Variants in DNAH2 observed in about 807,000 individuals in gnomAD.
The protein encoded by DNAH2 is dynein axonemal heavy chain 2.
DNAH2 carries 323 observed loss-of-function variants against 523.5 expected under a neutral mutation model. The ratio of observed to expected loss-of-function variants is 0.62; its 90% CI spans 0.56 to 0.68. DNAH2 has a LOEUF of 0.68. Ranked by LOEUF, DNAH2 falls within the 30% of genes least tolerant of loss-of-function variation. DNAH2 has a pLI of 0.00. For synonymous variants in DNAH2, 2,093 were observed against 2,177.4 expected (o/e 0.96, Z 1.08); for missense variants, 4,907 against 5,701.5 (o/e 0.86, Z 4.49).
chr17:7,802,027 G>A lies in DNAH2; in HGVS notation c.8972+10G>A. On this transcript the variant is annotated intron_variant, in intron 58 of 85. Transcript: ENST00000572933. ...TGTCTGGATATAAGAAGTATGAAGGGGGGCAGGGGATGTGCAGGGCCAGGG... is the reference window on the plus strand; with the variant it reads ...TGTCTGGATATAAGAAGTATGAAGGAGGGCAGGGGATGTGCAGGGCCAGGG... 5.0e-6 allele frequency: 8 copies of A among 1,613,752 alleles called. No homozygotes were observed. The highest frequency in any genetic ancestry group is 6.8e-6 in the Non-Finnish European group (8 of 1,179,860).
intron 72 of DNAH2, among the ~76,000 whole-genome samples, chr17:7,820,913 C>T (rs2077833312): frequency 6.6e-6 from 1 of 152,104 alleles, no homozygotes; most frequent in African/African-American, 2.4e-5. Context: ...GTGATGGGCT[C>T]CTGTAATCCC....
chr17:7,757,808 C>T (rs949836063), intron 13 of DNAH2, among the ~76,000 whole-genome samples: 2 of 152,176 alleles, frequency 1.3e-5, no homozygotes, highest in Non-Finnish European at 2.9e-5. Flanking sequence ...TGAGGGCCTG[C>T]GTCCTGGTTC....
Position 7,780,333 on chromosome 17 carries a change from T to A in DNAH2, c.5850+49T>A. The A allele has an allele frequency of 6.2e-7, 1 of 1,613,242 alleles. No homozygotes were observed. Among genetic ancestry groups the A allele is most frequent in the Non-Finnish European group, 8.5e-7 (1 of 1,179,652 alleles). Reference sequence around the variant, plus strand: ...CAGTGATTTTAATTTCCTTTCATAATTATTCCCTGGACAGAGGAGCTCCCC... The same window carrying A: ...CAGTGATTTTAATTTCCTTTCATAAATATTCCCTGGACAGAGGAGCTCCCC... On this transcript the variant is annotated intron_variant, in intron 37 of 85. Transcript: ENST00000572933. The surrounding 1 kb of genome is among the most constrained non-coding windows in gnomAD (Gnocchi z 4.4).
At position 7,734,510 on chromosome 17, in the gene DNAH2, C is replaced by G. The variant is rs1390118388; in HGVS notation, c.780C>G (p.Leu260=). 4 of 1,613,796 alleles carry G rather than the reference C, an allele frequency of 2.5e-6. No homozygotes were observed. Among genetic ancestry groups the G allele is most frequent in the Non-Finnish European group, 2.5e-6 (3 of 1,179,996 alleles). The change falls in exon 7 of 86, where the codon CTC becomes CTG. Residue 260 remains leucine, a synonymous_variant. Transcript: ENST00000572933. ...GGACCCGGCAGATAAAGGAGATGCTCAGTGCCCAGGAGACTGTGGAGACAG... is the reference window on the plus strand; with the variant it reads ...GGACCCGGCAGATAAAGGAGATGCTGAGTGCCCAGGAGACTGTGGAGACAG... ...IHWTRQIKEM[L]SAQETVETGE...
rs933875696 is a variant in DNAH2, at chr17:7,823,947, C to T, written c.11443C>T (p.Arg3815Cys). ...TSFIITNLGS[R>C]FIEPPVLNMK... The stretch of plus-strand genomic sequence containing the variant: ...CTTCATCATCACCAACCTTGGCTCC[C>T]GCTTCATCGAGCCGCCTGTGCTGAA... The change falls in exon 75 of 86, where the codon CGC becomes TGC. Residue 3815 changes from arginine to cysteine, a missense_variant. By Grantham distance (180) the Arg-to-Cys change is radical. Coordinates refer to ENST00000572933, the MANE Select transcript of DNAH2 (RefSeq NM_020877.5). The T allele has an allele frequency of 1.2e-5, 19 of 1,613,710 alleles. No individual in the cohort carries two copies. The highest frequency in any genetic ancestry group is 6.6e-5 in the South Asian group (6 of 91,088).
chr17:7,822,223 A>G (rs181854314), intron 73 of DNAH2, among the ~76,000 whole-genome samples: 14 of 152,262 alleles, frequency 9.2e-5, no homozygotes, highest in Non-Finnish European at 2.1e-4. Flanking sequence ...CTCCCACCTC[A>G]GCCTCCCAAA....
At chr17:7,749,996 CA>C (rs1451829048) in intron 12 of DNAH2, among the ~76,000 whole-genome samples, 1 of 151,696 alleles carries the variant, frequency 6.6e-6, no homozygotes, top group Non-Finnish European at 1.5e-5. Context: ...GACTCTGTCT[CA>C]AAAAAAGAAA....
In DNAH2 at chr17:7,802,076, T is replaced by C; in HGVS notation, c.8972+59T>C. 3 of 1,600,328 alleles carry C rather than the reference T, an allele frequency of 1.9e-6. No homozygotes were observed. In the Admixed American group the frequency reaches 5.0e-5, roughly 27 times the overall value. ...GGAGGCTGGTGTCTTCTGAGGGCGATGGGTGAAATGATGCTGATGTGCAAG... is the reference window on the plus strand; with the variant it reads ...GGAGGCTGGTGTCTTCTGAGGGCGACGGGTGAAATGATGCTGATGTGCAAG... On this transcript the variant is annotated intron_variant, in intron 58 of 85. Coordinates refer to ENST00000572933, the MANE Select transcript of DNAH2 (RefSeq NM_020877.5).
At chr17:7,719,991 G>A (rs1169542419) in intron 2 of DNAH2, 91 bp downstream of exon 2, 10 of 1,398,512 alleles carry the variant, frequency 7.2e-6, no homozygotes, top group Admixed American at 3.0e-5. Flanking sequence ...GGGAGCAGGC[G>A]CTGTTGCTTC....
intron 59 of DNAH2, 112 bp from the exon 60 acceptor site, chr17:7,804,846 A>T: frequency 4.7e-6 from 1 of 210,588 alleles, no homozygotes; most frequent in Non-Finnish European, 8.4e-6. Context: ...ACTCCATCTC[A>T]AAAAAAAAAA....
In DNAH2 at chr17:7,776,221, T is replaced by G. The variant is rs373919862; in HGVS notation, c.4947+72T>G. On this transcript the variant is annotated intron_variant, in intron 31 of 85. Transcript: ENST00000572933. Reference sequence around the variant, plus strand: ...TGGCTCACGCCTGTAATCCCAGCACTTTGGGAGGCCGAGGTGGGCAGATCA... The same window carrying G: ...TGGCTCACGCCTGTAATCCCAGCACGTTGGGAGGCCGAGGTGGGCAGATCA... 1.7e-4 allele frequency: 267 copies of G among 1,548,156 alleles called. 2 individuals are homozygous for G. In the African/African-American group the frequency reaches 3.2e-3, roughly 19 times the overall value.
At chr17:7,726,464 C>T (rs1236168114) in intron 3 of DNAH2, among the ~76,000 whole-genome samples, 4 of 151,272 alleles carry the variant, frequency 2.6e-5, no homozygotes, top group Non-Finnish European at 4.4e-5. Context: ...CCACCACGCC[C>T]GGCTAATTTT....
At position 7,787,304 on chromosome 17, in the gene DNAH2, G is replaced by A. The variant is rs1179178731; in HGVS notation, c.6603+271G>A. The A allele has an allele frequency of 6.0e-5, 32 of 531,950 alleles. No individual in the cohort carries two copies. The East Asian group carries it at 9.6e-4, about 16-fold the overall frequency. 33.0% of individuals were successfully genotyped at this position (531,950 alleles called of 1,614,324 possible). A position where few individuals can be genotyped will look rare whatever the true frequency, so the allele number is the denominator to read the frequency against. On this transcript the variant is annotated intron_variant, in intron 42 of 85. Coordinates refer to ENST00000572933, the MANE Select transcript of DNAH2 (RefSeq NM_020877.5). ...CCTCGGCTCGTTCTCACGGATGCAT[G>A]AGGCAGGACCCTCGTTTGTGCACCC...
At chr17:7,738,941 G>A in intron 8 of DNAH2, 1 of 702,202 alleles carries the variant, frequency 1.4e-6, no homozygotes. Flanking sequence ...TCCAGTCGGG[G>A]CTGGGTCCTA....
At chr17:7,776,601 C>T (rs752579249) in intron 31 of DNAH2, among the ~76,000 whole-genome samples, 178 bp from the exon 32 acceptor site, 22 of 152,210 alleles carry the variant, frequency 1.4e-4, no homozygotes, top group Admixed American at 2.6e-4. Flanking sequence ...AGCTGTGGCT[C>T]TGGTACACTC....
chr17:7,770,057 G>C (rs1310107975), intron 24 of DNAH2, among the ~76,000 whole-genome samples, 195 bp from the exon 25 acceptor site: 2 of 152,234 alleles, frequency 1.3e-5, no homozygotes, highest in East Asian at 3.8e-4. Context: ...TTCCTCTCCA[G>C]AGAATCCACT....
rs749187856 is a variant in DNAH2 at position 7,757,119 on chromosome 17, G to C, written c.1933G>C (p.Asp645His). 3.7e-6 allele frequency: 6 copies of C among 1,614,004 alleles called. No homozygotes were observed. In the African/African-American group the frequency reaches 8.0e-5, roughly 22 times the overall value. ...CCTTCTGATTCTCTTTGCGGAAATT[G>C]ACTACTGGGAGCGGCTGCTGTTTGA... ...KSLLILFAEI[D>H]YWERLLFETP... The change falls in exon 13 of 86, where the codon GAC becomes CAC. Residue 645 changes from aspartate to histidine, a missense_variant. Transcript: ENST00000572933.
In DNAH2 at chr17:7,743,132, A is replaced by G; in HGVS notation, c.1894A>G (p.Asn632Asp). 1 of 1,587,564 alleles carries G rather than the reference A, an allele frequency of 6.3e-7. No homozygotes were observed. Among genetic ancestry groups the G allele is most frequent in the Non-Finnish European group, 8.5e-7 (1 of 1,171,462 alleles). Residue 632 changes from asparagine to aspartate, a missense_variant, in exon 12 of 86, where the codon AAC becomes GAC. By Grantham distance (23) the Asn-to-Asp change is conservative (BLOSUM62 1). Around this residue, in one of 3 missense-constraint regions of DNAH2, gnomAD observed 2,806 missense variants for 3,190.8 expected, o/e 0.88. Transcript: ENST00000572933. Reference protein sequence around the residue: ...SQEKAGMLDVNFDKSLLILFA... With the variant: ...SQEKAGMLDVDFDKSLLILFA... ...GGAGAAGGCGGGCATGCTGGATGTC[A>G]ACTTTGACAAGTACAGGAGCCACCT... is the stretch of plus-strand genomic sequence containing the variant.
In DNAH2 at chr17:7,831,771, G is replaced by A; in HGVS notation, c.12722G>A (p.Gly4241Glu). The A allele has an allele frequency of 6.2e-7, 1 of 1,613,022 alleles. No homozygotes were observed. Among genetic ancestry groups the A allele is most frequent in the South Asian group, 1.1e-5 (1 of 91,002 alleles). ...GATGCCCATGTTCCTCCGCTCTGGG[G>A]AAAGGCAAGATTATACCATTGTTGA... is the stretch of plus-strand genomic sequence containing the variant. ...IFDAHVPPLW[G>E]KAYPSQKPLA... Residue 4241 changes from glycine to glutamate, a missense_variant, in exon 82 of 86, where the codon GGA becomes GAA. By Grantham distance (98) the Gly-to-Glu change is moderately conservative. Coordinates refer to ENST00000572933, the MANE Select transcript of DNAH2 (RefSeq NM_020877.5). This position sits in a 1 kb window ranked among gnomAD's most constrained non-coding sequence, Gnocchi z 4.2.
Sources: allele counts gnomAD v4.1 joint callset (sites outside exome capture counted in the v4.1 genomes callset), GRCh38; gene constraint gnomAD v4.1.1; regional missense constraint gnomAD v4.1.1; non-coding constraint Gnocchi (gnomAD v3.1); transcripts MANE v1.5; gene names NCBI Gene and HGNC (gene_info 2026-07-23, HGNC 2026-07-21).